The following STK39 variants were observed in gnomAD, a reference collection of about 807,000 sequenced individuals.
STK39 encodes serine/threonine kinase 39.
A neutral mutation model predicts 77.8 loss-of-function variants in STK39; 20 were observed. The observed-to-expected ratio is 0.26, with a 90% CI of 0.18 to 0.37. The LOEUF (loss-of-function observed/expected upper bound fraction) is 0.37, where lower values mean the gene tolerates loss of function less well. Ranked by LOEUF, STK39 falls within the 10% of genes least tolerant of loss-of-function variation. The probability of loss-of-function intolerance (pLI) is 1.00; values close to 1 mark genes in which losing one functional copy is unlikely to be tolerated. For missense variants in STK39, 479 were observed against 656.5 expected (o/e 0.73, Z 2.95); for synonymous variants, 246 against 234.1 (o/e 1.05, Z -0.47).
intron 2 of STK39, among the ~76,000 whole-genome samples, chr2:168,176,467 T>A (rs1193320390): frequency 6.6e-6 from 1 of 152,202 alleles, no homozygotes; most frequent in Non-Finnish European, 1.5e-5. Context: ...CGAAGATATC[T>A]AGAGCTTTAT....
Position 168,227,997 on chromosome 2 carries a change from G to A in STK39, c.208+19231C>T, listed in dbSNP as rs978799826. Among the ~76,000 whole-genome samples the A allele has an allele frequency of 7.9e-5, 12 of 152,106 alleles. 1 individual carries two copies. Among genetic ancestry groups the A allele is most frequent in the African/African-American group, 2.7e-4 (11 of 41,418 alleles). ...CCAATCAACGAAGTGCCAAATATCA[G>A]AATAAGGTGATCCAATAGTATCTAG... is the stretch of plus-strand genomic sequence containing the variant. On this transcript the variant is annotated intron_variant, in intron 1 of 17. Transcript: ENST00000355999.
chr2:168,105,503 T>C (rs1180752019), intron 10 of STK39, among the ~76,000 whole-genome samples: 2 of 152,190 alleles, frequency 1.3e-5, no homozygotes, highest in Non-Finnish European at 1.5e-5. Flanking sequence ...TGTTATCTAA[T>C]TGGCATAGGA....
intron 1 of STK39, among the ~76,000 whole-genome samples, chr2:168,195,981 C>CA (rs1347330377): frequency 1.3e-5 from 2 of 152,190 alleles, no homozygotes; most frequent in Admixed American, 6.5e-5. Context: ...CGTGCCATTG[C>CA]ACTCCAGCCT....
chr2:168,036,265 C>T (rs553702533), intron 14 of STK39, among the ~76,000 whole-genome samples: 1 of 151,742 alleles, frequency 6.6e-6, no homozygotes, highest in East Asian at 1.9e-4. Context: ...GATGAGAAAG[C>T]TGGTGAAGAA....
intron 1 of STK39, among the ~76,000 whole-genome samples, chr2:168,234,786 C>A (rs1558888354): frequency 6.6e-6 from 1 of 151,608 alleles, no homozygotes. Flanking sequence ...TTTTAATGCC[C>A]CTAAAGACAT....
At chr2:167,969,614 C>A (rs573849448) in intron 16 of STK39, among the ~76,000 whole-genome samples, 1 of 152,192 alleles carries the variant, frequency 6.6e-6, no homozygotes, top group African/African-American at 2.4e-5. Flanking sequence ...AAATCTTATT[C>A]ATCTCTGTAA....
chr2:168,135,865 A>G (rs1009946790), intron 8 of STK39, among the ~76,000 whole-genome samples: 7 of 152,312 alleles, frequency 4.6e-5, no homozygotes, highest in African/African-American at 1.4e-4. Context: ...TACGGAGAAA[A>G]TATCTAAAAG....
In STK39 at chr2:168,247,394, G is replaced by C. The variant is rs756679471; in HGVS notation, c.42C>G (p.Pro14=). 7 of 1,169,762 alleles carry C rather than the reference G, an allele frequency of 6.0e-6. No homozygotes were observed. Among genetic ancestry groups the C allele is most frequent in the Non-Finnish European group, 7.4e-6 (7 of 943,108 alleles). The allele number at this position is 1,169,762 out of a possible 1,614,324, so 72.5% of individuals were successfully genotyped here. Residue 14 remains proline, a synonymous_variant, in exon 1 of 18, where the codon CCC becomes CCG. Transcript: ENST00000355999. ...PSGSPVHVQL[P]QQAAPVTAAA... Reference sequence around the variant, plus strand: ...CCGCTGTCACCGGGGCCGCCTGCTGGGGAAGCTGGACGTGCACGGGCGAGC... The same window carrying C: ...CCGCTGTCACCGGGGCCGCCTGCTGCGGAAGCTGGACGTGCACGGGCGAGC...
intron 10 of STK39, among the ~76,000 whole-genome samples, chr2:168,096,107 C>T (rs1289015334): frequency 6.6e-6 from 1 of 152,102 alleles, no homozygotes; most frequent in African/African-American, 2.4e-5. Context: ...TTTCATACCA[C>T]ACACACAAAT....
intron 10 of STK39, among the ~76,000 whole-genome samples, chr2:168,085,814 C>G (rs781557830): frequency 2.6e-5 from 4 of 152,184 alleles, no homozygotes; most frequent in Admixed American, 6.5e-5. Flanking sequence ...GGATTTTTGC[C>G]TTACCTATAA....
chr2:168,186,768 TA>T (rs1689219687), intron 1 of STK39, among the ~76,000 whole-genome samples: 1 of 152,230 alleles, frequency 6.6e-6, no homozygotes, highest in South Asian at 2.1e-4. Context: ...ATAAAGGAGG[TA>T]AACTATATCT....
At chr2:168,140,953 G>A (rs192813135) in intron 5 of STK39, among the ~76,000 whole-genome samples, 195 bp from the exon 6 acceptor site, 3 of 152,196 alleles carry the variant, frequency 2.0e-5, no homozygotes, top group Admixed American at 6.5e-5. Flanking sequence ...GAATACCATC[G>A]CTGGTAATGG....
At chr2:168,179,760 T>C (rs572813623) in intron 2 of STK39, among the ~76,000 whole-genome samples, 20 of 152,018 alleles carry the variant, frequency 1.3e-4, no homozygotes, top group Non-Finnish European at 2.2e-4. Flanking sequence ...TGCTTACTGG[T>C]TCCAGGAAAA....
intron 1 of STK39, among the ~76,000 whole-genome samples, chr2:168,221,451 T>C (rs1344725214): frequency 6.6e-6 from 1 of 152,180 alleles, no homozygotes. Context: ...ATGAACAAAA[T>C]GGCAAAGTTG....
chr2:168,110,155 C>T (rs1310236935), intron 10 of STK39, among the ~76,000 whole-genome samples: 1 of 152,104 alleles, frequency 6.6e-6, no homozygotes, highest in Non-Finnish European at 1.5e-5. Context: ...TAAAGTTTTG[C>T]CTGTTACATT....
intron 1 of STK39, among the ~76,000 whole-genome samples, chr2:168,238,261 G>A (rs190390958): frequency 5.0e-4 from 76 of 152,308 alleles, no homozygotes; most frequent in African/African-American, 1.7e-3. Flanking sequence ...CATTCACAGG[G>A]CAGAAAGTCA....
intron 14 of STK39, among the ~76,000 whole-genome samples, chr2:168,018,354 C>T (rs1024258839): frequency 3.3e-5 from 5 of 151,690 alleles, no homozygotes; most frequent in South Asian, 2.1e-4. Flanking sequence ...ACAAGAATTA[C>T]CCGGGAGTGG....
chr2:168,128,648 G>A (rs1005865488), intron 10 of STK39, among the ~76,000 whole-genome samples: 1 of 152,130 alleles, frequency 6.6e-6, no homozygotes, highest in Admixed American at 6.6e-5. Flanking sequence ...ATCAGCTAAT[G>A]CATTTTCTAC....
intron 5 of STK39, among the ~76,000 whole-genome samples, chr2:168,152,045 C>A (rs547601365): frequency 5.5e-4 from 84 of 152,326 alleles, no homozygotes; most frequent in African/African-American, 1.6e-3. Flanking sequence ...AGTAGAGTCA[C>A]TGGTCACACC....
Sources: allele counts gnomAD v4.1 joint callset (sites outside exome capture counted in the v4.1 genomes callset), GRCh38; gene constraint gnomAD v4.1.1; transcripts MANE v1.5; gene names NCBI Gene and HGNC (gene_info 2026-07-23, HGNC 2026-07-21).